Variants in RNLS observed in about 807,000 individuals in gnomAD.
The protein encoded by RNLS is renalase, FAD dependent amine oxidase.
Under a neutral mutation model 39.8 loss-of-function variants are expected in RNLS, and 39 were observed. That is an observed-to-expected ratio of 0.98 (90% confidence interval 0.76 to 1.28). The LOEUF (loss-of-function observed/expected upper bound fraction) is 1.28, where lower values mean the gene tolerates loss of function less well. Among genes scored for constraint, RNLS ranks in the 50% most tolerant of loss-of-function variants. The probability of loss-of-function intolerance (pLI) is 0.00; values close to 1 mark genes in which losing one functional copy is unlikely to be tolerated. For synonymous variants in RNLS, 147 were observed against 150.7 expected (o/e 0.98, Z 0.18); for missense variants, 410 against 413.3 (o/e 0.99, Z 0.07).
the RNLS span, among the ~76,000 whole-genome samples, chr10:88,188,160 G>A: frequency 2.6e-5 from 4 of 152,204 alleles, no homozygotes; most frequent in African/African-American, 4.8e-5. Context: ...GGGTTGAAGC[G>A]ATTATCCTGC....
chr10:88,481,902 A>C (rs1339848723), intron 4 of RNLS, among the ~76,000 whole-genome samples: 1 of 152,082 alleles, frequency 6.6e-6, no homozygotes, highest in Non-Finnish European at 1.5e-5. Context: ...CTGTCTTTTT[A>C]AAAATTTGGT....
chr10:88,560,512 T>C (rs1330126271), intron 4 of RNLS, among the ~76,000 whole-genome samples: 2 of 152,086 alleles, frequency 1.3e-5, no homozygotes, highest in Non-Finnish European at 2.9e-5. Context: ...AGCTTGGCCC[T>C]ACAGAGAGTG....
At chr10:88,301,037 C>T (rs544604361) in intron 6 of RNLS, among the ~76,000 whole-genome samples, 119 of 152,180 alleles carry the variant, frequency 7.8e-4, no homozygotes, top group African/African-American at 2.8e-3. Flanking sequence ...ACACAGACTC[C>T]TTTTTAAAGT....
chr10:88,317,187 A>G (rs1475391971), intron 5 of RNLS, among the ~76,000 whole-genome samples: 1 of 152,248 alleles, frequency 6.6e-6, no homozygotes, highest in African/African-American at 2.4e-5. Flanking sequence ...ATCAATGGCT[A>G]TAGAGTCAGA....
At chr10:88,562,747 G>A (rs1193738093) in intron 4 of RNLS, among the ~76,000 whole-genome samples, 1 of 152,010 alleles carries the variant, frequency 6.6e-6, no homozygotes, top group Non-Finnish European at 1.5e-5. Flanking sequence ...AAATGTAAAA[G>A]GGTTGAACTC....
At chr10:88,382,500 G>A (rs1388349937) in intron 4 of RNLS, among the ~76,000 whole-genome samples, 1 of 152,056 alleles carries the variant, frequency 6.6e-6, no homozygotes, top group Non-Finnish European at 1.5e-5. Context: ...ATAATTTTCT[G>A]AGTAGCTCAT....
chr10:88,203,396 G>GTATATATATATACACGTATGTGTATA, the RNLS span, among the ~76,000 whole-genome samples: 11 of 7,844 alleles, frequency 1.4e-3, 3 homozygotes, highest in African/African-American at 0.011. Flanking sequence ...ACACGTATGT[G>GTATATATATATACACGTATGTGTATA]TATATATATA....
chr10:88,537,205 T>C (rs1847805167), intron 4 of RNLS, among the ~76,000 whole-genome samples: 1 of 152,176 alleles, frequency 6.6e-6, no homozygotes, highest in African/African-American at 2.4e-5. Flanking sequence ...ATAACTAAAA[T>C]GTTAAGCTTC....
intron 4 of RNLS, among the ~76,000 whole-genome samples, chr10:88,532,269 A>G (rs1847473117): frequency 1.3e-5 from 2 of 152,078 alleles, no homozygotes; most frequent in Admixed American, 1.3e-4. Context: ...TAGAATATGG[A>G]ATATGTTTTT....
chr10:88,193,724 A>G, the RNLS span, among the ~76,000 whole-genome samples: 1 of 152,092 alleles, frequency 6.6e-6, no homozygotes, highest in Non-Finnish European at 1.5e-5. Flanking sequence ...TCCACTTTAC[A>G]TTATGAGTTT....
intron 4 of RNLS, among the ~76,000 whole-genome samples, chr10:88,536,991 A>G (rs1464477358): frequency 6.6e-6 from 1 of 152,212 alleles, no homozygotes; most frequent in Non-Finnish European, 1.5e-5. Context: ...AAATGAATGA[A>G]TGAGCGAGTA....
downstream of RNLS, among the ~76,000 whole-genome samples, chr10:88,279,762 CT>C: frequency 6.6e-6 from 1 of 152,280 alleles, no homozygotes; most frequent in East Asian, 1.9e-4. Flanking sequence ...GAGAATGCTT[CT>C]ATTTTATACC....
intron 4 of RNLS, among the ~76,000 whole-genome samples, chr10:88,530,871 T>C (rs1847383373): frequency 6.6e-6 from 1 of 151,980 alleles, no homozygotes; most frequent in Non-Finnish European, 1.5e-5. Flanking sequence ...GCCAAACGAA[T>C]GAACAAATGA....
intron 4 of RNLS, among the ~76,000 whole-genome samples, chr10:88,373,319 GGT>G (rs1425616903): frequency 2.6e-5 from 4 of 152,076 alleles, no homozygotes; most frequent in Non-Finnish European, 5.9e-5. Flanking sequence ...AGAATCTGGT[GGT>G]ATAAGCTCTA....
intron 4 of RNLS, among the ~76,000 whole-genome samples, chr10:88,475,235 C>T (rs1254391178): frequency 1.3e-5 from 2 of 152,162 alleles, no homozygotes; most frequent in Non-Finnish European, 2.9e-5. Context: ...CTGCTCCACA[C>T]TTTATTAGTG....
intron 4 of RNLS, among the ~76,000 whole-genome samples, chr10:88,552,419 G>C (rs1848643863): frequency 6.6e-6 from 1 of 152,206 alleles, no homozygotes; most frequent in South Asian, 2.1e-4. Flanking sequence ...AACACAGTGA[G>C]TGCTGAACAG....
At position 88,317,508 on chromosome 10, in the gene RNLS, C is replaced by T. The variant is rs567224337; in HGVS notation, c.701-2867G>A. Among the ~76,000 whole-genome samples, 127 of 152,284 alleles carry T rather than the reference C, an allele frequency of 8.3e-4. 1 individual carries two copies. The South Asian group carries it at 9.3e-3, about 11-fold the overall frequency. On this transcript the variant is annotated intron_variant, in intron 5 of 6. Transcript: ENST00000331772. ...ACTGATCATTACATCAACACCCCAG[C>T]GACAATGGAAGACTATTCCTGGGTA...
chr10:88,239,012 C>T, the RNLS span, among the ~76,000 whole-genome samples: 9 of 151,996 alleles, frequency 5.9e-5, no homozygotes, highest in Non-Finnish European at 1.2e-4. Context: ...TGAACTAGAG[C>T]CTCTGAAACT....
chr10:88,373,121 A>C (rs1356674151), intron 4 of RNLS, among the ~76,000 whole-genome samples: 1 of 152,160 alleles, frequency 6.6e-6, no homozygotes, highest in Admixed American at 6.6e-5. Flanking sequence ...CCATAACAAT[A>C]AAAACTTTAT....
Sources: allele counts gnomAD v4.1 joint callset (sites outside exome capture counted in the v4.1 genomes callset), GRCh38; gene constraint gnomAD v4.1.1; transcripts MANE v1.5; gene names NCBI Gene and HGNC (gene_info 2026-07-23, HGNC 2026-07-21).